The following TMEM71 variants were observed in gnomAD, a reference collection of about 807,000 sequenced individuals.
TMEM71 encodes transmembrane protein 71.
A neutral mutation model predicts 38.0 loss-of-function variants in TMEM71; 44 were observed. The ratio of observed to expected loss-of-function variants is 1.16; its 90% CI spans 0.91 to 1.49. The LOEUF (loss-of-function observed/expected upper bound fraction) is 1.49, where lower values mean the gene tolerates loss of function less well. TMEM71 is among the 40% of genes most tolerant of loss of function. The pLI is 0.00. For synonymous variants in TMEM71, 133 were observed against 122.5 expected, an observed-to-expected ratio of 1.09 and a Z score of -0.56; for missense variants, 367 against 348.6, an observed-to-expected ratio of 1.05 and a Z score of -0.42.
chr8:132,745,914 G>A (rs1828314789), intron 5 of TMEM71, among the ~76,000 whole-genome samples: 1 of 150,956 alleles, frequency 6.6e-6, no homozygotes, highest in Admixed American at 6.6e-5. Flanking sequence ...ATTAACACAG[G>A]AAGAGAAAAC....
At chr8:132,770,604 T>C in the TMEM71 span, among the ~76,000 whole-genome samples, 1 of 152,306 alleles carries the variant, frequency 6.6e-6, no homozygotes, top group African/African-American at 2.4e-5. Flanking sequence ...CCTTAAGAAG[T>C]AGAGTGAAAG....
At chr8:132,754,098 C>T (rs1236611605) in intron 3 of TMEM71, among the ~76,000 whole-genome samples, 1 of 152,156 alleles carries the variant, frequency 6.6e-6, no homozygotes, top group Admixed American at 6.5e-5. Context: ...TCTTAAATAT[C>T]ATGCCAACCA....
In TMEM71 at chr8:132,732,005, G is replaced by T. The variant is rs562045309; in HGVS notation, c.488-4019C>A. Among the ~76,000 whole-genome samples the T allele has an allele frequency of 5.1e-4, 78 of 152,324 alleles. 1 individual carries two copies. The highest frequency in any genetic ancestry group is 1.8e-3 in the African/African-American group (74 of 41,578). The stretch of plus-strand genomic sequence containing the variant: ...AAAAGTAAGGCGGGAGGCAAAAGCT[G>T]CATGGATACGGGCCAGGCAGATCTA... On this transcript the variant is annotated intron_variant, in intron 5 of 9. Coordinates refer to ENST00000677595, the MANE Select transcript of TMEM71 (RefSeq NM_001382403.1).
At chr8:132,755,688 T>A (rs750737154) in intron 3 of TMEM71, among the ~76,000 whole-genome samples, 4 of 152,192 alleles carry the variant, frequency 2.6e-5, no homozygotes, top group Admixed American at 6.5e-5. Context: ...TCTACTGAAT[T>A]TCTGATATTT....
chr8:132,711,907 T>A (rs747222594), intron 9 of TMEM71, among the ~76,000 whole-genome samples: 12 of 152,070 alleles, frequency 7.9e-5, no homozygotes, highest in Non-Finnish European at 1.8e-4. Context: ...CATCATTGAT[T>A]GTTAGAGGAG....
intron 3 of TMEM71, among the ~76,000 whole-genome samples, chr8:132,754,758 G>A (rs939429721): frequency 2.0e-5 from 3 of 152,144 alleles, no homozygotes; most frequent in South Asian, 4.1e-4. Context: ...TTTACATGAT[G>A]TCATACAAAT....
At chr8:132,770,218 T>C in the TMEM71 span, among the ~76,000 whole-genome samples, 2,733 of 152,360 alleles carry the variant, frequency 0.018, 78 homozygotes, top group African/African-American at 0.061. Context: ...AGGAAGAGAA[T>C]TCTCAGCTTT....
chr8:132,775,397 C>G, the TMEM71 span: 2 of 380,296 alleles, frequency 5.3e-6, no homozygotes, highest in South Asian at 1.3e-4. Context: ...CAGGGCTGGC[C>G]GGCGGCGGAG....
At chr8:132,769,391 T>G in the TMEM71 span, among the ~76,000 whole-genome samples, 2 of 152,262 alleles carry the variant, frequency 1.3e-5, no homozygotes, top group Non-Finnish European at 2.9e-5. Flanking sequence ...CAACTTTGAA[T>G]GGGTATCTAA....
intron 9 of TMEM71, 106 bp from the exon 10 acceptor site, chr8:132,711,088 A>G: frequency 1.0e-6 from 1 of 995,390 alleles, no homozygotes; most frequent in Non-Finnish European, 1.5e-6. Flanking sequence ...GCACACACCC[A>G]CACCCATACC....
At chr8:132,775,023 T>C in the TMEM71 span, among the ~76,000 whole-genome samples, 1 of 152,162 alleles carries the variant, frequency 6.6e-6, no homozygotes, top group East Asian at 1.9e-4. Flanking sequence ...TGATGTGGAG[T>C]GGGATGGATA....
chr8:132,715,223 G>A (rs1282183778), intron 7 of TMEM71, among the ~76,000 whole-genome samples: 3 of 151,168 alleles, frequency 2.0e-5, no homozygotes, highest in East Asian at 2.0e-4. Context: ...TGGCTAACAC[G>A]GTGAAACCCT....
intron 9 of TMEM71, among the ~76,000 whole-genome samples, chr8:132,712,690 TCA>T (rs1246042624): frequency 6.6e-6 from 1 of 152,148 alleles, no homozygotes; most frequent in African/African-American, 2.4e-5. Context: ...GGTAGACACT[TCA>T]TTAACAGCAA....
chr8:132,713,036 G>A (rs1303355652), intron 9 of TMEM71, among the ~76,000 whole-genome samples: 1 of 151,384 alleles, frequency 6.6e-6, no homozygotes, highest in Non-Finnish European at 1.5e-5. Context: ...ATTTTTCGTA[G>A]GTCTCACTAT....
In TMEM71 at chr8:132,710,900, C is replaced by T; in HGVS notation, c.*67G>A. 1 of 1,465,100 alleles carries T rather than the reference C, an allele frequency of 6.8e-7. No homozygotes were observed. The highest frequency in any genetic ancestry group is 9.6e-7 in the Non-Finnish European group (1 of 1,046,980). 90.8% of individuals were successfully genotyped at this position (1,465,100 alleles called of 1,614,324 possible). A position where few individuals can be genotyped will look rare whatever the true frequency, so the allele number is the denominator to read the frequency against. On this transcript the variant is annotated 3_prime_UTR_variant, in exon 10 of 10. Coordinates refer to ENST00000677595, the MANE Select transcript of TMEM71 (RefSeq NM_001382403.1). ...AATAAAACACTTGATTCCAAGTAGA[C>T]TGCAAGTTGGACAATTTCCAGATAT...
chr8:132,709,172 T>C (rs1046701532), downstream of TMEM71, among the ~76,000 whole-genome samples: 3 of 152,188 alleles, frequency 2.0e-5, no homozygotes, highest in South Asian at 2.1e-4. Flanking sequence ...ACAAAGGAAA[T>C]GTAGAAATTC....
intron 5 of TMEM71, among the ~76,000 whole-genome samples, chr8:132,746,148 A>G (rs1034578459): frequency 5.3e-5 from 8 of 150,712 alleles, no homozygotes; most frequent in African/African-American, 2.0e-4. Context: ...AAACCTGCAC[A>G]TGTACCTCCT....
chr8:132,739,443 C>G (rs1827922852), intron 5 of TMEM71, among the ~76,000 whole-genome samples: 1 of 152,196 alleles, frequency 6.6e-6, no homozygotes, highest in South Asian at 2.1e-4. Flanking sequence ...TCCCGCATAG[C>G]TGGGACTACA....
At chr8:132,763,383 G>C (rs866791827), upstream of TMEM71, among the ~76,000 whole-genome samples, 1 of 152,118 alleles carries the variant, frequency 6.6e-6, no homozygotes, top group Non-Finnish European at 1.5e-5. Flanking sequence ...AATGTTTGTG[G>C]AATTAACAAA....
Sources: allele counts gnomAD v4.1 joint callset (sites outside exome capture counted in the v4.1 genomes callset), GRCh38; gene constraint gnomAD v4.1.1; transcripts MANE v1.5; gene names NCBI Gene and HGNC (gene_info 2026-07-23, HGNC 2026-07-21).